GNA14: variants seen among roughly 807,000 people sequenced by gnomAD.
The protein encoded by GNA14 is guanine nucleotide-binding protein subunit alpha-14.
In GNA14, 50 loss-of-function variants were observed where a neutral mutation model predicts 42.0. The observed-to-expected ratio is 1.19, with a 90% CI of 0.95 to 1.51. The LOEUF is 1.51. GNA14 is among the 40% of genes most tolerant of loss of function. GNA14 has a pLI of 0.00. For missense variants in GNA14, 473 were observed against 446.2 expected (o/e 1.06, Z -0.54); for synonymous variants, 173 against 163.1 (o/e 1.06, Z -0.46).
intron 2 of GNA14, among the ~76,000 whole-genome samples, chr9:77,450,664 C>T (rs1045979735): frequency 1.3e-5 from 2 of 151,252 alleles, no homozygotes; most frequent in African/African-American, 2.4e-5. Flanking sequence ...TATCTAGTGG[C>T]CCGTGTAATT....
At chr9:77,425,463 G>C in intron 6 of GNA14, 99 bp downstream of exon 6, 1 of 802,882 alleles carries the variant, frequency 1.2e-6, no homozygotes, top group Non-Finnish European at 2.0e-6. Context: ...ATTGCAGGCA[G>C]ACCAGGGAGG....
intron 3 of GNA14, among the ~76,000 whole-genome samples, chr9:77,434,151 C>T (rs1021398655): frequency 6.6e-6 from 1 of 152,074 alleles, no homozygotes; most frequent in Admixed American, 6.5e-5. Context: ...AGGCGGGTGT[C>T]GGCAGGAAGA....
chr9:77,636,347 C>G (rs952828273), intron 1 of GNA14, among the ~76,000 whole-genome samples: 14 of 152,192 alleles, frequency 9.2e-5, no homozygotes, highest in African/African-American at 3.1e-4. Context: ...ACTTTTTTCT[C>G]TCATTCATTA....
chr9:77,545,496 A>G (rs1368875488), intron 1 of GNA14, among the ~76,000 whole-genome samples: 1 of 152,214 alleles, frequency 6.6e-6, no homozygotes, highest in Non-Finnish European at 1.5e-5. Flanking sequence ...GAAAATATGC[A>G]AATTTGCTCT....
chr9:77,618,877 C>T (rs1490142425), intron 1 of GNA14, among the ~76,000 whole-genome samples: 1 of 151,066 alleles, frequency 6.6e-6, no homozygotes, highest in African/African-American at 2.4e-5. Context: ...TCGTGATCCG[C>T]CCGCCTCGGC....
chr9:77,564,620 G>A (rs917125509), intron 1 of GNA14, among the ~76,000 whole-genome samples: 2 of 151,944 alleles, frequency 1.3e-5, no homozygotes, highest in African/African-American at 2.4e-5. Flanking sequence ...ATCACTTGAC[G>A]TCAGGAGTTC....
intron 1 of GNA14, among the ~76,000 whole-genome samples, chr9:77,583,128 C>T (rs186889833): frequency 6.6e-6 from 1 of 152,308 alleles, no homozygotes; most frequent in East Asian, 1.9e-4. Flanking sequence ...GGCACAAGAA[C>T]TTCACCCTAT....
At chr9:77,464,351 A>ATGTGTGTGTGTGTGTGTGTG (rs35743834) in intron 2 of GNA14, among the ~76,000 whole-genome samples, 1 of 144,706 alleles carries the variant, frequency 6.9e-6, no homozygotes, top group Non-Finnish European at 1.5e-5. Context: ...GTGTGTGTAT[A>ATGTGTGTGTGTGTGTGTGTG]TGTGTGTGTG....
At chr9:77,612,318 A>T (rs1295608214) in intron 1 of GNA14, among the ~76,000 whole-genome samples, 3 of 152,102 alleles carry the variant, frequency 2.0e-5, no homozygotes, top group Non-Finnish European at 4.4e-5. Context: ...TAAAGCTACA[A>T]GGTAGCCAAG....
At chr9:77,589,056 C>A (rs372769975) in intron 1 of GNA14, among the ~76,000 whole-genome samples, 35 of 152,230 alleles carry the variant, frequency 2.3e-4, no homozygotes, top group African/African-American at 8.4e-4. Flanking sequence ...TCATACAGAC[C>A]CTTCAATGTA....
chr9:77,437,951 C>A lies in GNA14; in HGVS notation c.310-3429G>T, dbSNP rs562157793. Among the ~76,000 whole-genome samples, 90 of 152,280 alleles carry A rather than the reference C, an allele frequency of 5.9e-4. 1 individual carries two copies. Among genetic ancestry groups the A allele is most frequent in the Middle Eastern group, 6.8e-3 (2 of 294 alleles). ...TACACGTTGCCATGGATAAACCCAGCCTTTGGCTCTTTTAGTAGAGAGAAA... is the reference window on the plus strand; with the variant it reads ...TACACGTTGCCATGGATAAACCCAGACTTTGGCTCTTTTAGTAGAGAGAAA... On this transcript the variant is annotated intron_variant, in intron 2 of 6. Coordinates refer to ENST00000341700, the MANE Select transcript of GNA14 (RefSeq NM_004297.4).
intron 1 of GNA14, among the ~76,000 whole-genome samples, chr9:77,537,975 CTTG>C (rs1289240432): frequency 6.6e-6 from 1 of 151,444 alleles, no homozygotes; most frequent in Non-Finnish European, 1.5e-5. Flanking sequence ...ATATTAATCC[CTTG>C]TTGATCAATA....
At chr9:77,543,501 C>T (rs10118676) in intron 1 of GNA14, among the ~76,000 whole-genome samples, 7,498 of 152,218 alleles carry the variant, frequency 0.049, 569 homozygotes, top group African/African-American at 0.17. Context: ...CTCAGGAGCC[C>T]GTGGGACTAA....
intron 1 of GNA14, among the ~76,000 whole-genome samples, chr9:77,614,735 C>T (rs1823783518): frequency 6.6e-6 from 1 of 152,182 alleles, no homozygotes; most frequent in South Asian, 2.1e-4. Flanking sequence ...CCTTCTTCCC[C>T]ACTTCAGCTG....
intron 1 of GNA14, among the ~76,000 whole-genome samples, chr9:77,533,731 C>T (rs1027349994): frequency 6.6e-6 from 1 of 152,178 alleles, no homozygotes. Flanking sequence ...TCTGCCTCCC[C>T]TCTCCCCCTA....
At chr9:77,508,893 T>C (rs1483073117) in intron 2 of GNA14, among the ~76,000 whole-genome samples, 1 of 152,182 alleles carries the variant, frequency 6.6e-6, no homozygotes, top group African/African-American at 2.4e-5. Context: ...TCTGGTAACA[T>C]ACTAAAATGA....
chr9:77,644,747 T>C (rs971288023), intron 1 of GNA14, among the ~76,000 whole-genome samples: 1 of 152,184 alleles, frequency 6.6e-6, no homozygotes, highest in African/African-American at 2.4e-5. Context: ...AAGGTCTGCA[T>C]CCAGAATTAA....
At chr9:77,439,669 G>C (rs1026758429) in intron 2 of GNA14, among the ~76,000 whole-genome samples, 1 of 152,170 alleles carries the variant, frequency 6.6e-6, no homozygotes, top group African/African-American at 2.4e-5. Flanking sequence ...ACCCAAAAGA[G>C]TGGAGTTTTG....
chr9:77,538,245 A>C (rs1003567550), intron 1 of GNA14, among the ~76,000 whole-genome samples: 2 of 151,848 alleles, frequency 1.3e-5, no homozygotes. Flanking sequence ...TAATTTTTTA[A>C]AATTTTTTTA....
Sources: gnomAD v4.1 joint callset for allele counts (sites outside exome capture counted in the v4.1 genomes callset) on GRCh38, gnomAD v4.1.1 for gene constraint, MANE v1.5 for transcripts, NCBI Gene and HGNC (gene_info 2026-07-23, HGNC 2026-07-21) for gene names.